ABCC9: variants seen among roughly 807,000 people sequenced by gnomAD.
ABCC9 encodes the protein ATP-binding cassette sub-family C member 9.
A neutral mutation model predicts 188.3 loss-of-function variants in ABCC9; 95 were observed. The ratio of observed to expected loss-of-function variants is 0.50; its 90% CI spans 0.43 to 0.60. The LOEUF is 0.60. Ranked by LOEUF, ABCC9 falls within the 20% of genes least tolerant of loss-of-function variation. The pLI is 0.00. For missense variants in ABCC9, 1,102 were observed against 1,876.3 expected (o/e 0.59, Z 7.62); for synonymous variants, 659 against 652.7 (o/e 1.01, Z -0.15).
intron 5 of ABCC9, among the ~76,000 whole-genome samples, chr12:21,918,030 TAAA>T (rs10563250): frequency 2.0e-5 from 3 of 149,116 alleles, no homozygotes; most frequent in African/African-American, 4.9e-5. Flanking sequence ...ATGGATTCAT[TAAA>T]AAAAAAAACA....
chr12:21,896,431 A>G (rs1421748982), intron 12 of ABCC9, among the ~76,000 whole-genome samples: 1 of 151,994 alleles, frequency 6.6e-6, no homozygotes, highest in Non-Finnish European at 1.5e-5. Flanking sequence ...TTCTCTGACC[A>G]TTGTCACCCT....
chr12:21,891,497 C>T (rs1947158162), intron 14 of ABCC9, among the ~76,000 whole-genome samples: 1 of 152,082 alleles, frequency 6.6e-6, no homozygotes, highest in Non-Finnish European at 1.5e-5. Context: ...TCACACCTGC[C>T]TCATTCTTCC....
chr12:21,895,574 G>A (rs980345723), intron 12 of ABCC9, among the ~76,000 whole-genome samples: 6 of 151,968 alleles, frequency 3.9e-5, no homozygotes, highest in African/African-American at 1.5e-4. Context: ...ACAAACAAAA[G>A]AATCCATATA....
intron 37 of ABCC9, among the ~76,000 whole-genome samples, 158 bp from the exon 38 acceptor site, chr12:21,807,637 A>T (rs1941949004): frequency 6.6e-6 from 1 of 152,202 alleles, no homozygotes; most frequent in Non-Finnish European, 1.5e-5. Context: ...GAGGAACTCC[A>T]CTTTGGGAAA....
intron 30 of ABCC9, among the ~76,000 whole-genome samples, chr12:21,836,062 A>C (rs1237456105): frequency 1.3e-5 from 2 of 151,986 alleles, no homozygotes; most frequent in Non-Finnish European, 2.9e-5. Context: ...CCACTTCCTA[A>C]ATATTCCTTA....
At chr12:21,810,390 T>C (rs1942152573) in intron 36 of ABCC9, among the ~76,000 whole-genome samples, 2 of 152,102 alleles carry the variant, frequency 1.3e-5, no homozygotes, top group South Asian at 4.1e-4. Context: ...TCCATTCTCA[T>C]GCTGCTATAA....
At position 21,797,965 on chromosome 12, in the gene ABCC9, A is replaced by C. The variant is rs1436112189; in HGVS notation, c.*3079T>G. ...ATCTTTTACAGATATGTACCTATAT[A>C]GTCAAATATTATTTCAAGGTGAATC... On this transcript the variant is annotated 3_prime_UTR_variant, in exon 40 of 40. Coordinates refer to ENST00000261200, the MANE Select transcript of ABCC9 (RefSeq NM_020297.4). The C allele has an allele frequency of 6.6e-6, 1 of 152,226 alleles. No individual in the cohort carries two copies. The highest frequency in any genetic ancestry group is 2.4e-5 in the African/African-American group (1 of 41,476). The allele number at this position is 152,226 out of a possible 1,614,324, so 9.4% of individuals were successfully genotyped here.
Position 21,925,586 on chromosome 12 carries a change from C to A in ABCC9, c.406+356G>T, listed in dbSNP as rs189565558. On this transcript the variant is annotated intron_variant, in intron 5 of 39. Transcript: ENST00000261200. ...TAGAGGAGATGACTTGTTCACAGGG[C>A]AGCATGGTGCCGCAGCTCCTCACAA... 230 of 692,042 alleles carry A rather than the reference C, an allele frequency of 3.3e-4. 2 individuals carry two copies. In the African/African-American group the frequency reaches 3.8e-3, roughly 11 times the overall value. The allele number at this position is 692,042 out of a possible 1,614,324, so 42.9% of individuals were successfully genotyped here.
intron 31 of ABCC9, chr12:21,827,266 T>G (rs1943435004): frequency 1.0e-6 from 1 of 985,226 alleles, no homozygotes; most frequent in Non-Finnish European, 1.2e-6. Context: ...ATGGTTTGCT[T>G]GAAGATTCTT....
intron 31 of ABCC9, among the ~76,000 whole-genome samples, chr12:21,818,548 G>GTA (rs1375253845): frequency 6.8e-6 from 1 of 147,682 alleles, no homozygotes; most frequent in Non-Finnish European, 1.5e-5. Flanking sequence ...GTGTGTGTGT[G>GTA]TGTGTGTGTG....
chr12:21,824,776 C>A (rs934299205), intron 31 of ABCC9, among the ~76,000 whole-genome samples: 2 of 152,124 alleles, frequency 1.3e-5, no homozygotes. Context: ...AGTTTATTTG[C>A]ATAGAGGTGT....
In ABCC9 at chr12:21,906,192, C is replaced by T; in HGVS notation, c.1552G>A (p.Val518Met). 4.3e-6 allele frequency: 7 copies of T among 1,613,240 alleles called. No individual in the cohort carries two copies. Among genetic ancestry groups the T allele is most frequent in the Non-Finnish European group, 5.9e-6 (7 of 1,179,448 alleles). Residue 518 changes from valine (V) to methionine (M), a missense_variant, in exon 12 of 40, where the codon GTG (valine) becomes ATG (methionine). Around this residue, in one of 12 missense-constraint regions of ABCC9, gnomAD observed 258 missense variants for 325.6 expected, o/e 0.79. Coordinates refer to ENST00000261200, the MANE Select transcript of ABCC9 (RefSeq NM_020297.4). ...AGTTCTTTCATTCTTGTTTCCTCCA[C>T]ACTTTTGCAGAAAATGTGTTCCCAG... ...YAWEHIFCKS[V>M]EETRMKELSS... is the part of the protein sequence containing the mutation.
intron 21 of ABCC9, among the ~76,000 whole-genome samples, chr12:21,859,966 T>G (rs559055590): frequency 6.6e-6 from 1 of 152,166 alleles, no homozygotes; most frequent in Admixed American, 6.6e-5. Flanking sequence ...AATTCCAAGA[T>G]TTTTTCTTGT....
chr12:21,889,810 C>T (rs768982837), intron 14 of ABCC9, among the ~76,000 whole-genome samples: 4 of 152,042 alleles, frequency 2.6e-5, no homozygotes, highest in Non-Finnish European at 5.9e-5. Context: ...TTCTTAACAC[C>T]CCACTTTGAA....
chr12:21,927,517 C>T (rs767102697), intron 4 of ABCC9, among the ~76,000 whole-genome samples: 17 of 152,212 alleles, frequency 1.1e-4, no homozygotes, highest in Middle Eastern at 3.4e-3. Flanking sequence ...GTGAAATAGA[C>T]AGGAGTTTAC....
In ABCC9 at chr12:21,845,615, T is replaced by C; in HGVS notation, c.3084A>G (p.Gly1028=). The change falls in exon 26 of 40, where the codon GGA becomes GGG. Residue 1028 remains glycine (G), a synonymous_variant. Coordinates refer to ENST00000261200, the MANE Select transcript of ABCC9 (RefSeq NM_020297.4). ...WTSEYSINNT[G]KADQTYYVAG... is the part of the protein sequence containing the mutation. ...GAACCAATTGTACCTGATCAGCTTT[T>C]CCAGTATTGTTTATACTGTACTCCG... 6.2e-7 allele frequency: 1 copy of C among 1,613,546 alleles called. No homozygotes were observed. Among genetic ancestry groups the C allele is most frequent in the Middle Eastern group, 1.6e-4 (1 of 6,062 alleles).
chr12:21,858,165 C>T (rs1468084437), intron 22 of ABCC9, among the ~76,000 whole-genome samples: 1 of 152,156 alleles, frequency 6.6e-6, no homozygotes, highest in Non-Finnish European at 1.5e-5. Context: ...AAGAAAGCCA[C>T]ACCCAGGGGA....
intron 35 of ABCC9, among the ~76,000 whole-genome samples, chr12:21,814,203 A>G (rs944174963): frequency 6.6e-6 from 1 of 152,198 alleles, no homozygotes; most frequent in African/African-American, 2.4e-5. Context: ...CAATGTTATT[A>G]AGCAGATGAT....
chr12:21,881,707 A>AC (rs5796926), intron 16 of ABCC9, among the ~76,000 whole-genome samples: 1 of 148,170 alleles, frequency 6.7e-6, no homozygotes, highest in South Asian at 2.2e-4. Context: ...CCTAGGGAAC[A>AC]ACACACACAC....
Sources: gnomAD v4.1 joint callset for allele counts (sites outside exome capture counted in the v4.1 genomes callset) on GRCh38, gnomAD v4.1.1 for gene constraint, gnomAD v4.1.1 regional missense constraint, MANE v1.5 for transcripts, NCBI Gene and HGNC (gene_info 2026-07-23, HGNC 2026-07-21) for gene names.